GALNT13: variants seen among roughly 807,000 people sequenced by gnomAD.
GALNT13 encodes polypeptide N-acetylgalactosaminyltransferase 13.
In GALNT13, 28 loss-of-function variants were observed where a neutral mutation model predicts 64.2. That is an observed-to-expected ratio of 0.44 (90% CI 0.32 to 0.60). The LOEUF (loss-of-function observed/expected upper bound fraction) is 0.60, where lower values mean the gene tolerates loss of function less well. GALNT13 is among the 20% of genes least tolerant of loss of function. The pLI is 0.05. For synonymous variants in GALNT13, 214 were observed against 224.6 expected, an observed-to-expected ratio of 0.95 and a Z score of 0.42; for missense variants, 577 against 669.8, an observed-to-expected ratio of 0.86 and a Z score of 1.53.
At chr2:154,362,214 T>G (rs1046958505) in intron 9 of GALNT13, among the ~76,000 whole-genome samples, 2 of 151,794 alleles carry the variant, frequency 1.3e-5, no homozygotes, top group Non-Finnish European at 2.9e-5. Context: ...ATTTTCAGAG[T>G]GTAAAAAATG....
chr2:153,964,497 G>A (rs1693190861), intron 3 of GALNT13, among the ~76,000 whole-genome samples: 1 of 151,930 alleles, frequency 6.6e-6, no homozygotes, highest in South Asian at 2.1e-4. Context: ...GTACTCTCTT[G>A]TACATTTCTC....
In GALNT13 at chr2:154,428,966, A is replaced by G. The variant is rs571484990; in HGVS notation, c.1396-9626A>G. On this transcript the variant is annotated intron_variant, in intron 11 of 12. Transcript: ENST00000392825. ...TTTTGTGGTGCTGCAAACTGTACCT[A>G]TATAACAACAGTGAACTTAACTGAT... Among the ~76,000 whole-genome samples, 7 of 152,084 alleles carry G rather than the reference A, an allele frequency of 4.6e-5. No individual in the cohort carries two copies. The East Asian group carries it at 7.8e-4, about 17-fold the overall frequency.
Position 154,301,493 on chromosome 2 carries a change from C to G in GALNT13, c.1060C>G (p.Pro354Ala). The G allele has an allele frequency of 1.2e-6, 2 of 1,613,718 alleles. No homozygotes were observed. The highest frequency in any genetic ancestry group is 1.1e-5 in the South Asian group (1 of 91,054). The change falls in exon 9 of 13, where the codon CCT becomes GCT. Residue 354 changes from proline to alanine, a missense_variant. Pro to Ala is a conservative substitution (Grantham distance 27). Coordinates refer to ENST00000392825, the MANE Select transcript of GALNT13 (RefSeq NM_052917.4). The part of the protein sequence containing the change: ...VFRKATPYTF[P>A]GGTGHVINKN... ...TCGGAAGGCAACTCCATACACTTTT[C>G]CTGGTGGCACTGGTCATGTCATCAA...
chr2:153,654,206 T>A, the GALNT13 span, among the ~76,000 whole-genome samples: 2 of 152,098 alleles, frequency 1.3e-5, no homozygotes, highest in African/African-American at 4.8e-5. Context: ...CAAAACACAG[T>A]TTTTTCAACA....
At chr2:153,632,476 T>C in the GALNT13 span, among the ~76,000 whole-genome samples, 1 of 152,136 alleles carries the variant, frequency 6.6e-6, no homozygotes, top group African/African-American at 2.4e-5. Context: ...TCATATACAA[T>C]AGTTTCACTG....
chr2:153,733,662 C>T, the GALNT13 span, among the ~76,000 whole-genome samples: 3 of 152,132 alleles, frequency 2.0e-5, no homozygotes, highest in Admixed American at 6.6e-5. Flanking sequence ...GTGGCTTCCT[C>T]TCCGTGTAAG....
the GALNT13 span, among the ~76,000 whole-genome samples, chr2:153,718,044 A>C: frequency 7.2e-5 from 11 of 152,218 alleles, no homozygotes; most frequent in Non-Finnish European, 1.6e-4. Context: ...AATTCTGAGA[A>C]TATGGCTCAC....
In GALNT13 at chr2:154,360,657, C is replaced by T. The variant is rs150420433; in HGVS notation, c.1157-35334C>T. ...TGTACCTATGTGTGGATGGATGTCTCATAAGTCTATTGTCATAAATGTGAC... is the reference window on the plus strand; with the variant it reads ...TGTACCTATGTGTGGATGGATGTCTTATAAGTCTATTGTCATAAATGTGAC... On this transcript the variant is annotated intron_variant, in intron 9 of 12. Coordinates refer to ENST00000392825, the MANE Select transcript of GALNT13 (RefSeq NM_052917.4). 3.4e-4 allele frequency among the ~76,000 whole-genome samples: 52 copies of T among 152,254 alleles called. No individual in the cohort carries two copies. In the East Asian group the frequency reaches 0.01, roughly 29 times the overall value.
At chr2:153,087,969 T>A in the GALNT13 span, among the ~76,000 whole-genome samples, 1 of 152,266 alleles carries the variant, frequency 6.6e-6, no homozygotes, top group South Asian at 2.1e-4. Flanking sequence ...TTCATGTAGT[T>A]CTGCTTTGAT....
intron 11 of GALNT13, among the ~76,000 whole-genome samples, chr2:154,434,473 A>T (rs1375423946): frequency 2.0e-5 from 3 of 152,150 alleles, no homozygotes; most frequent in African/African-American, 7.2e-5. Context: ...GTTAGCCAGG[A>T]TGGTCTCAAT....
chr2:153,699,796 A>C, the GALNT13 span, among the ~76,000 whole-genome samples: 1 of 152,338 alleles, frequency 6.6e-6, no homozygotes, highest in South Asian at 2.1e-4. Context: ...ACCAGGAAGA[A>C]GTTGAATCCC....
intron 12 of GALNT13, among the ~76,000 whole-genome samples, chr2:154,448,415 A>G (rs1292373240): frequency 3.3e-5 from 5 of 152,042 alleles, no homozygotes; most frequent in Non-Finnish European, 7.4e-5. Flanking sequence ...TTTAAGTCTA[A>G]GTATTTTCTG....
the GALNT13 span, among the ~76,000 whole-genome samples, chr2:153,309,230 G>T: frequency 6.6e-6 from 1 of 152,208 alleles, no homozygotes; most frequent in South Asian, 2.1e-4. Context: ...AACCTCTTCT[G>T]CTTCTAAGAC....
the GALNT13 span, among the ~76,000 whole-genome samples, chr2:153,122,185 G>T: frequency 6.6e-6 from 1 of 151,806 alleles, no homozygotes; most frequent in Non-Finnish European, 1.5e-5. Flanking sequence ...CTAGAATGAG[G>T]TATAAACTTT....
At chr2:154,146,178 A>G (rs759563669) in intron 4 of GALNT13, among the ~76,000 whole-genome samples, 2 of 151,674 alleles carry the variant, frequency 1.3e-5, no homozygotes, top group African/African-American at 2.4e-5. Flanking sequence ...ATACACATAC[A>G]CACACATATA....
At chr2:154,187,395 C>T (rs1402952066) in intron 4 of GALNT13, among the ~76,000 whole-genome samples, 1 of 151,198 alleles carries the variant, frequency 6.6e-6, no homozygotes, top group East Asian at 1.9e-4. Flanking sequence ...CACACACACA[C>T]ACACACACAC....
chr2:154,176,398 G>A (rs1403317804), intron 4 of GALNT13, among the ~76,000 whole-genome samples: 2 of 151,166 alleles, frequency 1.3e-5, no homozygotes, highest in Admixed American at 6.6e-5. Flanking sequence ...GACTACAGGC[G>A]CCCGCCACCA....
chr2:153,674,818 A>G, the GALNT13 span, among the ~76,000 whole-genome samples: 3,844 of 152,316 alleles, frequency 0.025, 154 homozygotes, highest in African/African-American at 0.087. Context: ...AAGGGCTTAT[A>G]TCCATAATCT....
chr2:153,725,459 A>T, the GALNT13 span, among the ~76,000 whole-genome samples: 2 of 149,626 alleles, frequency 1.3e-5, no homozygotes, highest in South Asian at 2.1e-4. Context: ...AGTATAATTA[A>T]AAAAAAATAA....
Sources: gnomAD v4.1 joint callset for allele counts (sites outside exome capture counted in the v4.1 genomes callset) on GRCh38, gnomAD v4.1.1 for gene constraint, MANE v1.5 for transcripts, NCBI Gene and HGNC (gene_info 2026-07-23, HGNC 2026-07-21) for gene names.